DNAH14: variants seen among roughly 807,000 people sequenced by gnomAD.
The protein encoded by DNAH14 is dynein axonemal heavy chain 14.
Under a neutral mutation model 520.9 loss-of-function variants are expected in DNAH14, and 478 were observed. The ratio of observed to expected loss-of-function variants is 0.92; its 90% CI spans 0.85 to 0.99. DNAH14 has a LOEUF of 0.99. DNAH14 is among the 50% of genes least tolerant of loss of function. The probability of loss-of-function intolerance (pLI) is 0.00; values close to 1 mark genes in which losing one functional copy is unlikely to be tolerated. For synonymous variants in DNAH14, 1,581 were observed against 1,757.2 expected, an observed-to-expected ratio of 0.90 and a Z score of 2.51; for missense variants, 4,831 against 5,234.5, an observed-to-expected ratio of 0.92 and a Z score of 2.38.
chr1:225,310,615 C>T (rs935020044), intron 60 of DNAH14, among the ~76,000 whole-genome samples: 2 of 152,168 alleles, frequency 1.3e-5, no homozygotes, highest in African/African-American at 4.8e-5. Context: ...CACCCCCCGA[C>T]AGGCCCCAGT....
intron 48 of DNAH14, 128 bp from the exon 49 acceptor site, chr1:225,266,513 A>G (rs1226004878): frequency 1.8e-6 from 1 of 553,906 alleles, no homozygotes; most frequent in African/African-American, 2.0e-5. Flanking sequence ...GTTATTACAT[A>G]TGATTTTGTG....
At chr1:225,183,447 T>C (rs1049333502) in intron 36 of DNAH14, among the ~76,000 whole-genome samples, 5 of 152,194 alleles carry the variant, frequency 3.3e-5, no homozygotes, top group African/African-American at 1.2e-4. Context: ...ACTGAATGCC[T>C]ACATTAAGAA....
At chr1:225,269,220 A>C (rs1019751595) in intron 49 of DNAH14, among the ~76,000 whole-genome samples, 2 of 152,196 alleles carry the variant, frequency 1.3e-5, no homozygotes, top group African/African-American at 2.4e-5. Flanking sequence ...CAAAAACAAG[A>C]AATGGGGTAA....
chr1:225,300,131 G>A (rs971885553), intron 55 of DNAH14, among the ~76,000 whole-genome samples: 1 of 152,048 alleles, frequency 6.6e-6, no homozygotes, highest in Non-Finnish European at 1.5e-5. Context: ...GCCCTATATA[G>A]ATATGAATTC....
chr1:225,120,127 G>A (rs372248439), intron 26 of DNAH14, among the ~76,000 whole-genome samples: 25 of 152,252 alleles, frequency 1.6e-4, no homozygotes, highest in African/African-American at 5.5e-4. Flanking sequence ...GAGAATTCAG[G>A]GATCAGAGTT....
intron 27 of DNAH14, among the ~76,000 whole-genome samples, chr1:225,140,079 A>G (rs911903857): frequency 3.9e-5 from 6 of 152,218 alleles, no homozygotes; most frequent in Non-Finnish European, 8.8e-5. Context: ...TCCCACATTC[A>G]TATCTTGATA....
chr1:224,999,175 A>C (rs2063584191), intron 8 of DNAH14, among the ~76,000 whole-genome samples: 1 of 151,996 alleles, frequency 6.6e-6, no homozygotes, highest in Admixed American at 6.6e-5. Flanking sequence ...GACAGCATAT[A>C]GTTGTGCCAT....
At chr1:225,391,106 C>T (rs1343967533) in intron 83 of DNAH14, among the ~76,000 whole-genome samples, 1 of 152,134 alleles carries the variant, frequency 6.6e-6, no homozygotes, top group Non-Finnish European at 1.5e-5. Context: ...CAAAAGACCC[C>T]AAAAGGGAGA....
intron 19 of DNAH14, 127 bp from the exon 20 acceptor site, chr1:225,082,422 T>C (rs1015199141): frequency 1.5e-6 from 1 of 661,954 alleles, no homozygotes; most frequent in African/African-American, 1.8e-5. Flanking sequence ...GTTATTTTAA[T>C]GTAGTTTAAT....
intron 55 of DNAH14, 133 bp from the exon 56 acceptor site, chr1:225,300,736 C>T: frequency 1.0e-6 from 1 of 962,946 alleles, no homozygotes; most frequent in South Asian, 1.7e-5. Context: ...GGGAGATTAG[C>T]TTTAAAAAAA....
Position 225,322,694 on chromosome 1 carries a change from G to T in DNAH14, c.9366G>T (p.Leu3122=). The change falls in exon 62 of 86, where the codon CTG becomes CTT. Residue 3122 remains leucine (L), a synonymous_variant. Coordinates refer to ENST00000682510, the MANE Select transcript of DNAH14 (RefSeq NM_001367479.1). ...ACACACGGCCTCCCTTCCTTGTACT[G>T]ACTGTCATGAATGCAGTGTGTATTC... The part of the protein sequence containing the change: ...RVYTRPPFLV[L]TVMNAVCILL... 1 of 1,548,416 alleles carries T rather than the reference G, an allele frequency of 6.5e-7. No individual in the cohort carries two copies. Among genetic ancestry groups the T allele is most frequent in the South Asian group, 1.2e-5 (1 of 83,836 alleles).
chr1:225,290,091 T>A lies in DNAH14; in HGVS notation c.8469+9T>A. 1.4e-6 allele frequency: 2 copies of A among 1,396,004 alleles called. No individual in the cohort carries two copies. The highest frequency in any genetic ancestry group is 9.4e-7 in the Non-Finnish European group (1 of 1,062,834). The allele number at this position is 1,396,004 out of a possible 1,614,324, so 86.5% of individuals were successfully genotyped here. A position where few individuals can be genotyped will look rare whatever the true frequency, so the allele number is the denominator to read the frequency against. On this transcript the variant is annotated intron_variant, in intron 55 of 85. Transcript: ENST00000682510. ...ATTTAAACATAGAACAAGTAAGTAC[T>A]TTTTGTCTTTGCTATTTGCTGAAGT...
chr1:225,062,085 G>A (rs1441243402), intron 17 of DNAH14, among the ~76,000 whole-genome samples: 1 of 152,078 alleles, frequency 6.6e-6, no homozygotes, highest in Non-Finnish European at 1.5e-5. Flanking sequence ...GAATGCTTGA[G>A]CTGAAGAGTT....
chr1:225,013,617 C>G (rs960186834), intron 10 of DNAH14, among the ~76,000 whole-genome samples: 2 of 152,196 alleles, frequency 1.3e-5, no homozygotes, highest in African/African-American at 4.8e-5. Flanking sequence ...AAGCCCCTGA[C>G]TGGGGCTGCT....
Position 224,942,573 on chromosome 1 carries a change from G to C in DNAH14, c.-33-10097G>C, listed in dbSNP as rs553103120. On this transcript the variant is annotated intron_variant, in intron 1 of 85. Transcript: ENST00000682510. ...AGGAGTGGTGAGAGAGGGCATCCCT[G>C]TCTTGTGCCAGTTTTCAAAGGGAAT... Among the ~76,000 whole-genome samples the C allele has an allele frequency of 5.9e-5, 9 of 152,250 alleles. No homozygotes were observed. The South Asian group carries it at 1.9e-3, about 32-fold the overall frequency.
chr1:225,045,220 T>C (rs1441874269), intron 15 of DNAH14, among the ~76,000 whole-genome samples: 2 of 151,978 alleles, frequency 1.3e-5, no homozygotes, highest in African/African-American at 4.8e-5. Context: ...GGTCTAAACA[T>C]CTGATTATTT....
At chr1:224,954,845 C>A in intron 2 of DNAH14, 114 bp from the exon 3 acceptor site, 1 of 731,662 alleles carries the variant, frequency 1.4e-6, no homozygotes. Flanking sequence ...TTTATTAAAC[C>A]TAAGAAGCTG....
intron 72 of DNAH14, among the ~76,000 whole-genome samples, chr1:225,353,345 T>C (rs2095392776): frequency 1.3e-5 from 2 of 152,146 alleles, no homozygotes; most frequent in South Asian, 4.1e-4. Context: ...TTTTCAAAAA[T>C]TTGATAATCT....
intron 40 of DNAH14, among the ~76,000 whole-genome samples, chr1:225,206,526 G>A (rs867656155): frequency 6.6e-6 from 1 of 152,132 alleles, no homozygotes; most frequent in Non-Finnish European, 1.5e-5. Flanking sequence ...AAGAACTTGG[G>A]AAACACACTA....
Sources: allele counts gnomAD v4.1 joint callset (sites outside exome capture counted in the v4.1 genomes callset), GRCh38; gene constraint gnomAD v4.1.1; transcripts MANE v1.5; gene names NCBI Gene and HGNC (gene_info 2026-07-23, HGNC 2026-07-21).